Variants in KMT2A observed in about 807,000 individuals in gnomAD.
KMT2A encodes lysine methyltransferase 2A.
Under a neutral mutation model 345.3 loss-of-function variants are expected in KMT2A, and 16 were observed. That is an observed-to-expected ratio of 0.05 (90% confidence interval 0.03 to 0.07). The LOEUF is 0.07. KMT2A is among the 10% of genes least tolerant of loss of function. KMT2A has a pLI of 1.00. For synonymous variants in KMT2A, 1,599 were observed against 1,778.6 expected (o/e 0.90, Z 2.54); for missense variants, 3,272 against 4,841.6 (o/e 0.68, Z 9.62).
In KMT2A at chr11:118,506,022, A is replaced by G. The variant is rs782811050; in HGVS notation, c.10130A>G (p.Asp3377Gly). Residue 3377 changes from aspartate to glycine, a missense_variant, in exon 27 of 36, where the codon GAT becomes GGT. Physicochemically the swap from Asp to Gly is moderately conservative, Grantham distance 94. This residue lies in a region of KMT2A where 748 missense variants were observed against 922.2 expected (regional missense o/e 0.81). Transcript: ENST00000534358. ...AACCCAAGGTTGCTTGGTACCCCAGATATTGGCTCAATAAGCAATCTTTTA... is the reference window on the plus strand; with the variant it reads ...AACCCAAGGTTGCTTGGTACCCCAGGTATTGGCTCAATAAGCAATCTTTTA... ...LTNPRLLGTP[D>G]IGSISNLLIK... The G allele has an allele frequency of 5.0e-6, 8 of 1,614,080 alleles. No individual in the cohort carries two copies. The East Asian group carries it at 1.8e-4, about 36-fold the overall frequency.
At chr11:118,463,851 A>G (rs1271891544) in intron 1 of KMT2A, among the ~76,000 whole-genome samples, 1 of 152,232 alleles carries the variant, frequency 6.6e-6, no homozygotes, top group Non-Finnish European at 1.5e-5. Context: ...AACTTGTCAT[A>G]ACATATCTGA....
chr11:118,436,629 G>C lies in KMT2A; in HGVS notation c.117G>C (p.Leu39=), dbSNP rs2134152702. The part of the protein sequence containing the change: ...GAPRQRVPAL[L]LPPGPPVGGG... ...CGCGGCAACGCGTCCCGGCCCTGCTGCTTCCCCCCGGGCCCCCGGTCGGCG... is the reference window on the plus strand; with the variant it reads ...CGCGGCAACGCGTCCCGGCCCTGCTCCTTCCCCCCGGGCCCCCGGTCGGCG... The change falls in exon 1 of 36, where the codon CTG becomes CTC. Residue 39 remains leucine (L), a synonymous_variant. Coordinates refer to ENST00000534358, the MANE Select transcript of KMT2A (RefSeq NM_001197104.2). The surrounding 1 kb of genome is among the most constrained non-coding windows in gnomAD (Gnocchi z 6.9). 1.7e-6 allele frequency: 2 copies of C among 1,155,824 alleles called. No homozygotes were observed. The highest frequency in any genetic ancestry group is 2.1e-6 in the Non-Finnish European group (2 of 936,526). 71.6% of individuals were successfully genotyped at this position (1,155,824 alleles called of 1,614,324 possible).
At chr11:118,460,277 A>G (rs1949721246) in intron 1 of KMT2A, among the ~76,000 whole-genome samples, 1 of 152,184 alleles carries the variant, frequency 6.6e-6, no homozygotes, top group South Asian at 2.1e-4. Flanking sequence ...ATACTAATAT[A>G]GAAGGAAGAA....
Position 118,498,307 on chromosome 11 carries a change from G to A in KMT2A, c.5803-63G>A. 2 of 1,466,194 alleles carry A rather than the reference G, an allele frequency of 1.4e-6. No homozygotes were observed. Among genetic ancestry groups the A allele is most frequent in the Non-Finnish European group, 1.9e-6 (2 of 1,079,188 alleles). 90.8% of individuals were successfully genotyped at this position (1,466,194 alleles called of 1,614,324 possible). On this transcript the variant is annotated intron_variant, in intron 21 of 35. Transcript: ENST00000534358. The surrounding 1 kb of genome is among the most constrained non-coding windows in gnomAD (Gnocchi z 4.4). ...TAGAATGGGATGAGTCTATAGAGGA[G>A]ACGGTAAACGTCTTAAAACATATGA...
At chr11:118,474,985 T>G (rs1193069614) in intron 3 of KMT2A, among the ~76,000 whole-genome samples, 1 of 150,964 alleles carries the variant, frequency 6.6e-6, no homozygotes, top group Non-Finnish European at 1.5e-5. Context: ...AAAAAAAAAT[T>G]AGCTGGGCGT....
In KMT2A at chr11:118,525,957, T is replaced by C. The variant is rs1188879240; in HGVS notation, c.*3785T>C. 1 of 222,750 alleles carries C rather than the reference T, an allele frequency of 4.5e-6. No individual in the cohort carries two copies. Among genetic ancestry groups the C allele is most frequent in the Non-Finnish European group, 9.0e-6 (1 of 111,610 alleles). 13.8% of individuals were successfully genotyped at this position (222,750 alleles called of 1,614,324 possible). ...CTCTGGAAACTTGCAACTTTTTGTT[T>C]GTTTTGGTTTTCAAATAAATATAAA... On this transcript the variant is annotated 3_prime_UTR_variant, in exon 36 of 36. Coordinates refer to ENST00000534358, the MANE Select transcript of KMT2A (RefSeq NM_001197104.2).
Position 118,495,610 on chromosome 11 carries a change from G to T in KMT2A, c.5364-90G>T. ...ATATTCTGTGAATGGCTCCTACATG[G>T]GGCAACAGGTGATATCAAGAATTTA... On this transcript the variant is annotated intron_variant, in intron 18 of 35. Transcript: ENST00000534358. This position sits in a 1 kb window ranked among gnomAD's most constrained non-coding sequence, Gnocchi z 4.1. 1.0e-6 allele frequency: 1 copy of T among 985,172 alleles called. No individual in the cohort carries two copies. The highest frequency in any genetic ancestry group is 1.5e-6 in the Non-Finnish European group (1 of 684,770). The allele number at this position is 985,172 out of a possible 1,614,324, so 61.0% of individuals were successfully genotyped here. A position where few individuals can be genotyped will look rare whatever the true frequency, so the allele number is the denominator to read the frequency against.
chr11:118,482,326 T>G (rs577680799), intron 7 of KMT2A, 96 bp from the exon 8 acceptor site: 207 of 965,500 alleles, frequency 2.1e-4, no homozygotes, highest in Admixed American at 3.3e-4. Flanking sequence ...TAAATAGTTT[T>G]TTTTTTTTTT....
intron 4 of KMT2A, 77 bp downstream of exon 4, chr11:118,477,059 G>A (rs1555037717): frequency 7.1e-7 from 1 of 1,414,460 alleles, no homozygotes; most frequent in Non-Finnish European, 1.0e-6. Context: ...ATGCCCAGTA[G>A]GCTCTTCATA....
At chr11:118,512,337 A>G (rs984638883) in intron 31 of KMT2A, 4 of 368,160 alleles carry the variant, frequency 1.1e-5, no homozygotes, top group Non-Finnish European at 1.9e-5. Flanking sequence ...TTCTGTCTCT[A>G]TGTATTTGAT....
At chr11:118,468,884 T>C in intron 2 of KMT2A, 40 bp downstream of exon 2, 1 of 1,533,972 alleles carries the variant, frequency 6.5e-7, no homozygotes, top group Non-Finnish European at 9.0e-7. Context: ...TAAGTTTTGT[T>C]TGTTAGGAGA....
Position 118,520,945 on chromosome 11 carries a change from C to A in KMT2A, c.11513+60C>A, listed in dbSNP as rs2135290604. The A allele has an allele frequency of 1.5e-6, 2 of 1,290,426 alleles. No individual in the cohort carries two copies. Among genetic ancestry groups the A allele is most frequent in the Non-Finnish European group, 2.3e-6 (2 of 886,800 alleles). The allele number at this position is 1,290,426 out of a possible 1,614,324, so 79.9% of individuals were successfully genotyped here. On this transcript the variant is annotated intron_variant, in intron 34 of 35. Coordinates refer to ENST00000534358, the MANE Select transcript of KMT2A (RefSeq NM_001197104.2). The surrounding 1 kb of genome is among the most constrained non-coding windows in gnomAD (Gnocchi z 4.3). ...CGAATGCAGTTTTTCAAAATCAAAGCAGACCAAATGCTGGAGTGACCTTCC... is the reference window on the plus strand; with the variant it reads ...CGAATGCAGTTTTTCAAAATCAAAGAAGACCAAATGCTGGAGTGACCTTCC...
chr11:118,508,657 A>C (rs1950630681), intron 28 of KMT2A, among the ~76,000 whole-genome samples: 1 of 150,976 alleles, frequency 6.6e-6, no homozygotes, highest in African/African-American at 2.4e-5. Context: ...TGGGAGTTGG[A>C]GGATGCAGCA....
At position 118,522,202 on chromosome 11, in the gene KMT2A, C is replaced by T. The variant is rs782231421; in HGVS notation, c.*30C>T. 5 of 1,608,138 alleles carry T rather than the reference C, an allele frequency of 3.1e-6. No individual in the cohort carries two copies. The highest frequency in any genetic ancestry group is 4.5e-5 in the East Asian group (2 of 44,758). On this transcript the variant is annotated 3_prime_UTR_variant, in exon 36 of 36. Transcript: ENST00000534358. The surrounding 1 kb of genome is among the most constrained non-coding windows in gnomAD (Gnocchi z 5.4). ...GCTCTTCTCCCCCAGTGTTGGAGTG[C>T]AAGGAGGCGGGGCCATCCAAAGCAA...
In KMT2A at chr11:118,526,383, A is replaced by AAG; in HGVS notation, c.*4213_*4214dup. 4.4e-6 allele frequency: 1 copy of AAG among 226,918 alleles called. No individual in the cohort carries two copies. Among genetic ancestry groups the AAG allele is most frequent in the African/African-American group, 2.2e-5 (1 of 45,130 alleles). The allele number at this position is 226,918 out of a possible 1,614,324, so 14.1% of individuals were successfully genotyped here. On this transcript the variant is annotated 3_prime_UTR_variant, in exon 36 of 36. Coordinates refer to ENST00000534358, the MANE Select transcript of KMT2A (RefSeq NM_001197104.2). ...GGTACTCTAGTTCTGTCTTTCAACCAAGAAAATAGAATTGTGGTGTTTCTT... is the reference window on the plus strand; with the variant it reads ...GGTACTCTAGTTCTGTCTTTCAACCAAGAGAAAATAGAATTGTGGTGTTTCTT...
In KMT2A at chr11:118,473,885, G is replaced by T. The variant is rs139227835; in HGVS notation, c.2726G>T (p.Gly909Val). The T allele has an allele frequency of 6.2e-7, 1 of 1,614,154 alleles. No homozygotes were observed. Among genetic ancestry groups the T allele is most frequent in the Non-Finnish European group, 8.5e-7 (1 of 1,180,026 alleles). The change falls in exon 3 of 36, where the codon GGT (glycine) becomes GTT (valine). Residue 909 changes from glycine to valine, a missense_variant. This residue lies in a region of KMT2A where 209 missense variants were observed against 237.4 expected (regional missense o/e 0.88). Coordinates refer to ENST00000534358, the MANE Select transcript of KMT2A (RefSeq NM_001197104.2). This position sits in a 1 kb window ranked among gnomAD's most constrained non-coding sequence, Gnocchi z 5.2. ...AGTAGTTCTGCTTTGTATCCTGTGG[G>T]TAGGGTTTCCAAAGAGAAGGTTGTT... Reference protein sequence around the residue: ...IQSSSALYPVGRVSKEKVVGE... With the variant: ...IQSSSALYPVVRVSKEKVVGE...
chr11:118,503,943 A>T lies in KMT2A; in HGVS notation c.8051A>T (p.Tyr2684Phe). ...ACTTCAGATGAAGACGACTTATACT[A>T]TTACAACTTCACTAGAACAGTGATT... is the stretch of plus-strand genomic sequence containing the variant. ...LSTSDEDDLY[Y>F]YNFTRTVISS... The change falls in exon 27 of 36, where the codon TAT (tyrosine) becomes TTT (phenylalanine). Residue 2684 changes from tyrosine (Y) to phenylalanine (F), a missense_variant. This residue lies in a region of KMT2A where 47 missense variants were observed against 53.6 expected (regional missense o/e 0.88). Coordinates refer to ENST00000534358, the MANE Select transcript of KMT2A (RefSeq NM_001197104.2). The surrounding 1 kb of genome is among the most constrained non-coding windows in gnomAD (Gnocchi z 5.3). The T allele has an allele frequency of 6.2e-7, 1 of 1,614,204 alleles. No individual in the cohort carries two copies. The highest frequency in any genetic ancestry group is 8.5e-7 in the Non-Finnish European group (1 of 1,180,038).
Position 118,471,878 on chromosome 11 carries a change from A to G in KMT2A, c.719A>G (p.Asp240Gly). The change falls in exon 3 of 36, where the codon GAC becomes GGC. Residue 240 changes from aspartate to glycine, a missense_variant. Transcript: ENST00000534358. ...AAAATCAAAATAACACATGGAAAGGACATTTCAGAGTTACCAAAGGGAAAC... is the reference window on the plus strand; with the variant it reads ...AAAATCAAAATAACACATGGAAAGGGCATTTCAGAGTTACCAAAGGGAAAC... ...GVKIKITHGK[D>G]ISELPKGNKE... 1 of 1,613,252 alleles carries G rather than the reference A, an allele frequency of 6.2e-7. No individual in the cohort carries two copies.
chr11:118,455,456 A>C (rs1269968375), intron 1 of KMT2A, among the ~76,000 whole-genome samples: 1 of 152,140 alleles, frequency 6.6e-6, no homozygotes, highest in African/African-American at 2.4e-5. Context: ...TTCACAGTTA[A>C]TGCCTTCTCT....
Sources: gnomAD v4.1 joint callset for allele counts (sites outside exome capture counted in the v4.1 genomes callset) on GRCh38, gnomAD v4.1.1 for gene constraint, gnomAD v4.1.1 regional missense constraint, Gnocchi (gnomAD v3.1) non-coding constraint, MANE v1.5 for transcripts, NCBI Gene and HGNC (gene_info 2026-07-23, HGNC 2026-07-21) for gene names.